Variants in MISP observed in about 807,000 individuals in gnomAD.
The protein encoded by MISP is mitotic spindle positioning.
A neutral mutation model predicts 49.3 loss-of-function variants in MISP; 51 were observed. The observed-to-expected ratio is 1.03, with a 90% CI of 0.83 to 1.31. MISP has a LOEUF of 1.31. Ranked by LOEUF, MISP falls within the 50% of genes most tolerant of loss-of-function variation. The probability of loss-of-function intolerance (pLI) is 0.00; values close to 1 mark genes in which losing one functional copy is unlikely to be tolerated. For synonymous variants in MISP, 444 were observed against 392.6 expected, an observed-to-expected ratio of 1.13 and a Z score of -1.55; for missense variants, 1,084 against 935.1, an observed-to-expected ratio of 1.16 and a Z score of -2.08.
intron 2 of MISP, among the ~76,000 whole-genome samples, chr19:759,119 G>A (rs1319616425): frequency 6.6e-6 from 1 of 152,038 alleles, no homozygotes; most frequent in Non-Finnish European, 1.5e-5. Flanking sequence ...CACCTCCTGG[G>A]TTCAAGCGAT....
Position 758,059 on chromosome 19 carries a change from C to T in MISP, c.1113C>T (p.His371=), listed in dbSNP as rs149602802. 3.4e-4 allele frequency: 529 copies of T among 1,567,250 alleles called. 3 individuals carry two copies. The African/African-American group carries it at 6.1e-3, about 18-fold the overall frequency. The change falls in exon 2 of 5, where the codon CAC becomes CAT. Residue 371 remains histidine (H), a synonymous_variant. Transcript: ENST00000215582. Reference sequence around the variant, plus strand: ...AAGACCACCGGCGGGAGGGCCTGCACGTGGGCCGGGCGTCCACACCCGACT... The same window carrying T: ...AAGACCACCGGCGGGAGGGCCTGCATGTGGGCCGGGCGTCCACACCCGACT... ...REEDHRREGL[H]VGRASTPDWV...
intron 1 of MISP, among the ~76,000 whole-genome samples, chr19:754,239 A>C (rs1351682893): frequency 6.6e-6 from 1 of 151,996 alleles, no homozygotes; most frequent in Non-Finnish European, 1.5e-5. Flanking sequence ...CCGAGGCGGG[A>C]GGATCACGAG....
At position 757,138 on chromosome 19, in the gene MISP, G is replaced by A. The variant is rs963965612; in HGVS notation, c.192G>A (p.Gln64=). ...GGGCCCAGCAGGGCGTGCAGAGGCA[G>A]GGGGTGTCCTACAGCGTGCATGCCT... is the stretch of plus-strand genomic sequence containing the variant. ...DHRAQQGVQR[Q]GVSYSVHAYT... The change falls in exon 2 of 5, where the codon CAG becomes CAA. Residue 64 remains glutamine, a synonymous_variant. Transcript: ENST00000215582. The A allele has an allele frequency of 1.2e-6, 2 of 1,613,162 alleles. No homozygotes were observed. Among genetic ancestry groups the A allele is most frequent in the Non-Finnish European group, 1.7e-6 (2 of 1,179,904 alleles).
Position 757,223 on chromosome 19 carries a change from C to G in MISP, c.277C>G (p.Gln93Glu). The change falls in exon 2 of 5, where the codon CAG becomes GAG. Residue 93 changes from glutamine to glutamate, a missense_variant. Transcript: ENST00000215582. ...HSENREDEGW[Q>E]VYRLGARDAH... ...GGAGAACAGGGAGGATGAGGGTTGG[C>G]AGGTTTACCGCCTGGGCGCCAGGGA... 1.9e-6 allele frequency: 3 copies of G among 1,613,796 alleles called. No homozygotes were observed. In the South Asian group the frequency reaches 3.3e-5, roughly 18 times the overall value.
chr19:748,788 G>T (rs746007115), upstream of MISP, among the ~76,000 whole-genome samples: 2 of 152,210 alleles, frequency 1.3e-5, no homozygotes, highest in Non-Finnish European at 2.9e-5. Context: ...ACTCTCTCAC[G>T]CTGTAGTCTT....
chr19:757,442 G>C lies in MISP; in HGVS notation c.496G>C (p.Asp166His). ...CGTGGCCACGCTCCAGGGCACTCCT[G>C]ACCACGGAGACCCCAGGACCCCCGG... ...STVATLQGTP[D>H]HGDPRTPGPP... Residue 166 changes from aspartate to histidine, a missense_variant, in exon 2 of 5, where the codon GAC becomes CAC. Transcript: ENST00000215582. 6.3e-7 allele frequency: 1 copy of C among 1,593,472 alleles called. No homozygotes were observed. Among genetic ancestry groups the C allele is most frequent in the Non-Finnish European group, 8.5e-7 (1 of 1,170,756 alleles).
rs372474785 is a variant in MISP at position 758,081 on chromosome 19, G to A, written c.1135G>A (p.Asp379Asn). The part of the protein sequence containing the change: ...GLHVGRASTP[D>N]WVSEGPQPGL... Reference sequence around the variant, plus strand: ...GCACGTGGGCCGGGCGTCCACACCCGACTGGGTCTCGGAGGGTCCCCAGCC... The same window carrying A: ...GCACGTGGGCCGGGCGTCCACACCCAACTGGGTCTCGGAGGGTCCCCAGCC... Residue 379 changes from aspartate to asparagine, a missense_variant, in exon 2 of 5, where the codon GAC becomes AAC. Physicochemically the swap from Asp to Asn is conservative, Grantham distance 23. Transcript: ENST00000215582. 6.6e-5 allele frequency: 105 copies of A among 1,579,684 alleles called. No homozygotes were observed. Among genetic ancestry groups the A allele is most frequent in the Middle Eastern group, 1.7e-4 (1 of 5,920 alleles).
chr19:757,044 T>G lies in MISP; in HGVS notation c.98T>G (p.Leu33Arg). Residue 33 changes from leucine to arginine, a missense_variant, in exon 2 of 5, where the codon CTG becomes CGG. By Grantham distance (102) the Leu-to-Arg change is moderately radical. Transcript: ENST00000215582. ...LDGDTSYTYH[L>R]VCMGPEASGW... Reference sequence around the variant, plus strand: ...GGAGACACCAGCTACACATACCATCTGGTGTGCATGGGCCCCGAGGCCAGC... The same window carrying G: ...GGAGACACCAGCTACACATACCATCGGGTGTGCATGGGCCCCGAGGCCAGC... 6.2e-7 allele frequency: 1 copy of G among 1,608,900 alleles called. No individual in the cohort carries two copies.
rs1248644944 is a variant in MISP at position 752,480 on chromosome 19, C to T, written c.-58+1309C>T. ...CAGAGGTTGCAGTGAATGGAGATCG[C>T]GCCACTGCACTCCAGCCTGGGCGAC... On this transcript the variant is annotated intron_variant, in intron 1 of 4. Transcript: ENST00000215582. 2.7e-5 allele frequency among the ~76,000 whole-genome samples: 4 copies of T among 150,400 alleles called. No individual in the cohort carries two copies. The East Asian group carries it at 5.9e-4, about 22-fold the overall frequency.
At chr19:760,355 C>A in intron 3 of MISP, 1 of 199,338 alleles carries the variant, frequency 5.0e-6, no homozygotes, top group Non-Finnish European at 9.6e-6. Context: ...TCGTCACCAG[C>A]ATTAGTTTCT....
upstream of MISP, among the ~76,000 whole-genome samples, chr19:749,539 C>T (rs898766372): frequency 6.6e-5 from 10 of 151,958 alleles, no homozygotes; most frequent in African/African-American, 2.4e-4. Flanking sequence ...TCCTTAAACA[C>T]CCCCATCTTG....
upstream of MISP, among the ~76,000 whole-genome samples, chr19:750,553 C>CT (rs1430798434): frequency 6.6e-6 from 1 of 152,098 alleles, no homozygotes; most frequent in Non-Finnish European, 1.5e-5. Context: ...CCCAGCAGCC[C>CT]TGAGGGAGCC....
chr19:756,538 G>C (rs1017399077), intron 1 of MISP, among the ~76,000 whole-genome samples: 6 of 152,140 alleles, frequency 3.9e-5, no homozygotes, highest in African/African-American at 1.4e-4. Context: ...GAGGCCAGAA[G>C]GTGGGATGCT....
chr19:753,088 A>C (rs2033484622), intron 1 of MISP, among the ~76,000 whole-genome samples: 1 of 152,172 alleles, frequency 6.6e-6, no homozygotes, highest in Non-Finnish European at 1.5e-5. Flanking sequence ...GGGAGAAGGC[A>C]AGGCCTTCCG....
Position 759,923 on chromosome 19 carries a change from T to C in MISP, c.1795T>C (p.Tyr599His), listed in dbSNP as rs756519229. ...CTCCCCTACAGGCATCACGGGCAGTTACTCGGTGTCTGAGTCTCCCTTCTT... is the reference window on the plus strand; with the variant it reads ...CTCCCCTACAGGCATCACGGGCAGTCACTCGGTGTCTGAGTCTCCCTTCTT... ...SSQASGITGS[Y>H]SVSESPFFSP... is the part of the protein sequence containing the mutation. Residue 599 changes from tyrosine to histidine, a missense_variant, in exon 3 of 5, where the codon TAC becomes CAC. Physicochemically the swap from Tyr to His is moderately conservative, Grantham distance 83 (BLOSUM62 2). Coordinates refer to ENST00000215582, the MANE Select transcript of MISP (RefSeq NM_173481.4). The C allele has an allele frequency of 6.2e-7, 1 of 1,614,108 alleles. No homozygotes were observed.
intron 4 of MISP, 93 bp from the exon 5 acceptor site, chr19:763,407 GT>G: frequency 7.1e-6 from 6 of 847,366 alleles, no homozygotes; most frequent in Admixed American, 1.9e-5. Flanking sequence ...CTTTACCCCC[GT>G]TCTAGGCCTC....
At position 758,070 on chromosome 19, in the gene MISP, C is replaced by A; in HGVS notation, c.1124C>A (p.Ala375Glu). 6.4e-7 allele frequency: 1 copy of A among 1,568,106 alleles called. No homozygotes were observed. Among genetic ancestry groups the A allele is most frequent in the Non-Finnish European group, 8.6e-7 (1 of 1,159,006 alleles). ...HRREGLHVGR[A>E]STPDWVSEGP... ...CGGGAGGGCCTGCACGTGGGCCGGG[C>A]GTCCACACCCGACTGGGTCTCGGAG... The change falls in exon 2 of 5, where the codon GCG becomes GAG. Residue 375 changes from alanine to glutamate, a missense_variant. Ala to Glu is a moderately radical substitution (Grantham distance 107). Transcript: ENST00000215582.
intron 3 of MISP, 97 bp from the exon 4 acceptor site, chr19:761,528 C>A (rs937693242): frequency 1.4e-6 from 2 of 1,422,970 alleles, no homozygotes; most frequent in South Asian, 1.2e-5. Flanking sequence ...CCACTCTTCC[C>A]CAAATGGTGA....
chr19:757,634 G>A lies in MISP; in HGVS notation c.688G>A (p.Ala230Thr), dbSNP rs147994311. The A allele has an allele frequency of 3.7e-6, 6 of 1,612,532 alleles. No individual in the cohort carries two copies. The highest frequency in any genetic ancestry group is 1.7e-5 in the Admixed American group (1 of 59,754). Residue 230 changes from alanine to threonine, a missense_variant, in exon 2 of 5, where the codon GCC becomes ACC. By Grantham distance (58) the Ala-to-Thr change is moderately conservative. Transcript: ENST00000215582. ...PAGTTPGASQ[A>T]PKAFNKPHLA... ...AGGCACAACCCCAGGGGCCAGCCAG[G>A]CCCCCAAGGCCTTCAACAAGCCCCA...
Sources: gnomAD v4.1 joint callset for allele counts (sites outside exome capture counted in the v4.1 genomes callset) on GRCh38, gnomAD v4.1.1 for gene constraint, MANE v1.5 for transcripts, NCBI Gene and HGNC (gene_info 2026-07-23, HGNC 2026-07-21) for gene names.